Variants in SEPTIN3 observed in about 807,000 individuals in gnomAD.
SEPTIN3 encodes the protein septin 3.
A neutral mutation model predicts 45.1 loss-of-function variants in SEPTIN3; 15 were observed. The observed-to-expected ratio is 0.33, with a 90% CI of 0.22 to 0.51. SEPTIN3 has a LOEUF of 0.51. Ranked by LOEUF, SEPTIN3 falls within the 20% of genes least tolerant of loss-of-function variation. SEPTIN3 has a pLI of 0.97. For synonymous variants in SEPTIN3, 148 were observed against 164.8 expected (o/e 0.90, Z 0.78); for missense variants, 289 against 457.2 (o/e 0.63, Z 3.35).
chr22:41,992,260 T>G (rs1176910185), intron 8 of SEPTIN3, among the ~76,000 whole-genome samples: 2 of 152,028 alleles, frequency 1.3e-5, no homozygotes, highest in African/African-American at 4.8e-5. Context: ...ATGCCTGTAA[T>G]CCCAGCTACT....
rs1229394567 is a variant in SEPTIN3 at position 41,972,250 on chromosome 22, CTG to C, written c.761_762del (p.Val254GlufsTer24). The C allele has an allele frequency of 2.5e-6, 1 of 399,024 alleles. No individual in the cohort carries two copies. The highest frequency in any genetic ancestry group is 4.4e-5 in the Admixed American group (1 of 22,726). 24.7% of individuals were successfully genotyped at this position (399,024 alleles called of 1,614,324 possible). On this transcript the variant is annotated frameshift_variant, in exon 2 of 12. Transcript: ENST00000644076. LOFTEE classifies it high-confidence loss of function. ...GGGCGTCTCCAAAGGGCCAACACGACTGTGAATTTGACTGCTATGGACACAAG... is the reference window on the plus strand; with the variant it reads ...GGGCGTCTCCAAAGGGCCAACACGACTGAATTTGACTGCTATGGACACAAG...
At chr22:41,975,151 C>G (rs965433156) in intron 2 of SEPTIN3, among the ~76,000 whole-genome samples, 1 of 152,128 alleles carries the variant, frequency 6.6e-6, no homozygotes, top group Non-Finnish European at 1.5e-5. Flanking sequence ...GGAAGTCCTA[C>G]ACAGAACTCT....
chr22:41,993,624 G>A (rs556436974), intron 9 of SEPTIN3, among the ~76,000 whole-genome samples: 1 of 152,254 alleles, frequency 6.6e-6, no homozygotes, highest in African/African-American at 2.4e-5. Context: ...CCAAAGTGCT[G>A]GGATTACAGA....
rs1163286096 is a variant in SEPTIN3, at chr22:41,998,148, ACACT to A, written c.*1184_*1187del. 1 of 152,674 alleles carries A rather than the reference ACACT, an allele frequency of 6.5e-6. No homozygotes were observed. The allele number at this position is 152,674 out of a possible 1,614,324, so 9.5% of individuals were successfully genotyped here. A position where few individuals can be genotyped will look rare whatever the true frequency, so the allele number is the denominator to read the frequency against. ...TTCCCAATTGAAAACAAGCAAACAG[ACACT>A]CAAACTGGTCCTGTAATTGTTGCTA... On this transcript the variant is annotated 3_prime_UTR_variant, in exon 12 of 12. Coordinates refer to ENST00000644076, the MANE Select transcript of SEPTIN3 (RefSeq NM_001363845.2).
At chr22:41,977,643 G>A (rs1003985780) in intron 2 of SEPTIN3, among the ~76,000 whole-genome samples, 14 of 151,532 alleles carry the variant, frequency 9.2e-5, no homozygotes, top group Non-Finnish European at 2.9e-5. Flanking sequence ...TTTGTGGGGG[G>A]CGGTGGGGTC....
rs1274486819 is a variant in SEPTIN3, at chr22:41,987,762, A to T, written c.2045+3A>T. 3 of 1,612,258 alleles carry T rather than the reference A, an allele frequency of 1.9e-6. No homozygotes were observed. The highest frequency in any genetic ancestry group is 2.5e-6 in the Non-Finnish European group (3 of 1,178,478). On this transcript the variant is annotated splice_donor_region_variant and intron_variant, in intron 6 of 11. Transcript: ENST00000644076. ...TTCATCTCTCCCACAGGACACTCGT[A>T]TGTACCAACCCTACCCCTATTGTCA...
At position 41,994,223 on chromosome 22, in the gene SEPTIN3, C is replaced by T; in HGVS notation, c.2360-67C>T. ...TGCCTCCGTGACCCAAACAGAAGCT[C>T]ACCTCCTGGGTGTTGCTGTATTAAT... is the stretch of plus-strand genomic sequence containing the variant. On this transcript the variant is annotated intron_variant, in intron 9 of 11. Coordinates refer to ENST00000644076, the MANE Select transcript of SEPTIN3 (RefSeq NM_001363845.2). This position sits in a 1 kb window ranked among gnomAD's most constrained non-coding sequence, Gnocchi z 4.2. The T allele has an allele frequency of 6.7e-7, 1 of 1,500,918 alleles. No individual in the cohort carries two copies. The highest frequency in any genetic ancestry group is 9.2e-7 in the Non-Finnish European group (1 of 1,083,808). The allele number at this position is 1,500,918 out of a possible 1,614,324, so 93.0% of individuals were successfully genotyped here. A position where few individuals can be genotyped will look rare whatever the true frequency, so the allele number is the denominator to read the frequency against.
chr22:41,995,603 T>C, intron 11 of SEPTIN3: 2 of 985,474 alleles, frequency 2.0e-6, no homozygotes, highest in Non-Finnish European at 2.4e-6. Context: ...GGTTCATTCC[T>C]ATATTTAGCA....
At chr22:41,980,109 T>G (rs1423712539) in intron 2 of SEPTIN3, among the ~76,000 whole-genome samples, 1 of 150,716 alleles carries the variant, frequency 6.6e-6, no homozygotes, top group Non-Finnish European at 1.5e-5. Flanking sequence ...GGTCTGGGAC[T>G]GTAAGATATT....
At chr22:41,979,496 G>A (rs1255785481) in intron 2 of SEPTIN3, among the ~76,000 whole-genome samples, 1 of 152,190 alleles carries the variant, frequency 6.6e-6, no homozygotes, top group Non-Finnish European at 1.5e-5. Flanking sequence ...GAGCAGCTGG[G>A]CAGGAAAAAT....
Position 41,976,810 on chromosome 22 carries a change from G to T in SEPTIN3, c.1504+3814G>T, listed in dbSNP as rs989183296. On this transcript the variant is annotated intron_variant, in intron 2 of 11. Transcript: ENST00000644076. The surrounding 1 kb of genome is among the most constrained non-coding windows in gnomAD (Gnocchi z 5.8). ...GCGGGTGGCAGCGGCGGCGGCTGGC[G>T]GCGGCGGCAACGGTGCGCGCGGACA... 4 of 148,672 alleles carry T rather than the reference G, an allele frequency of 2.7e-5. No individual in the cohort carries two copies. In the South Asian group the frequency reaches 7.1e-4, roughly 26 times the overall value. The allele number at this position is 148,672 out of a possible 1,614,324, so 9.2% of individuals were successfully genotyped here.
chr22:41,982,888 T>C (rs1029187896), intron 3 of SEPTIN3, among the ~76,000 whole-genome samples: 5 of 144,326 alleles, frequency 3.5e-5, no homozygotes, highest in African/African-American at 1.3e-4. Context: ...TGAAACTCCA[T>C]CTCAAAAAAA....
In SEPTIN3 at chr22:41,981,797, A is replaced by G; in HGVS notation, c.1657A>G (p.Thr553Ala). Reference sequence around the variant, plus strand: ...CATCATCGAGCAGATGCGCAAGAAGACCATGAAGACCGGTTTCGACTTCAA... The same window carrying G: ...CATCATCGAGCAGATGCGCAAGAAGGCCATGAAGACCGGTTTCGACTTCAA... Reference protein sequence around the residue: ...DTIIEQMRKKTMKTGFDFNIM... With the variant: ...DTIIEQMRKKAMKTGFDFNIM... Residue 553 changes from threonine (T) to alanine (A), a missense_variant, in exon 3 of 12, where the codon ACC becomes GCC. By Grantham distance (58) the Thr-to-Ala change is moderately conservative. Coordinates refer to ENST00000644076, the MANE Select transcript of SEPTIN3 (RefSeq NM_001363845.2). 6.2e-7 allele frequency: 1 copy of G among 1,613,968 alleles called. No homozygotes were observed. The highest frequency in any genetic ancestry group is 8.5e-7 in the Non-Finnish European group (1 of 1,179,948).
intron 4 of SEPTIN3, 127 bp downstream of exon 4, chr22:41,986,239 C>T (rs934570297): frequency 5.2e-6 from 6 of 1,144,706 alleles, no homozygotes; most frequent in Non-Finnish European, 7.3e-6. Context: ...CAGACGTGAG[C>T]ACTTCACTCT....
intron 1 of SEPTIN3, among the ~76,000 whole-genome samples, chr22:41,970,208 A>G (rs2077945186): frequency 6.6e-6 from 1 of 151,988 alleles, no homozygotes; most frequent in Non-Finnish European, 1.5e-5. Flanking sequence ...GCTGTGTTAA[A>G]AGCAACCAAA....
chr22:41,997,272 T>G lies in SEPTIN3; in HGVS notation c.*305T>G. The G allele has an allele frequency of 2.6e-6, 1 of 386,192 alleles. No homozygotes were observed. 23.9% of individuals were successfully genotyped at this position (386,192 alleles called of 1,614,324 possible). A position where few individuals can be genotyped will look rare whatever the true frequency, so the allele number is the denominator to read the frequency against. On this transcript the variant is annotated 3_prime_UTR_variant, in exon 12 of 12. Transcript: ENST00000644076. ...AGCTCCTTCTGCCCTTGTAAGCCCA[T>G]CCCAGCTACTTGTAACCATCTCTAA...
In SEPTIN3 at chr22:41,997,181, C is replaced by A; in HGVS notation, c.*214C>A. On this transcript the variant is annotated 3_prime_UTR_variant, in exon 12 of 12. Transcript: ENST00000644076. ...CCAGTGGAGTGGGGTTCTGCCAGTACAGCCCTACTGCATCATCTGCGTCAG... is the reference window on the plus strand; with the variant it reads ...CCAGTGGAGTGGGGTTCTGCCAGTAAAGCCCTACTGCATCATCTGCGTCAG... 2.3e-6 allele frequency: 2 copies of A among 854,276 alleles called. No homozygotes were observed. Among genetic ancestry groups the A allele is most frequent in the Non-Finnish European group, 3.5e-6 (2 of 570,548 alleles). 52.9% of individuals were successfully genotyped at this position (854,276 alleles called of 1,614,324 possible).
rs73417056 is a variant in SEPTIN3, at chr22:41,989,716, C to T, written c.2163+32C>T. ...AGGCCCCCTGTCTTCTTTTCCTGTTCCCATCCCCTCCTTTCTCTCCGCTGG... is the reference window on the plus strand; with the variant it reads ...AGGCCCCCTGTCTTCTTTTCCTGTTTCCATCCCCTCCTTTCTCTCCGCTGG... On this transcript the variant is annotated intron_variant, in intron 7 of 11. Transcript: ENST00000644076. 14,389 of 1,368,160 alleles carry T rather than the reference C, an allele frequency of 0.011. 752 individuals carry two copies. The African/African-American group carries it at 0.14, about 13-fold the overall frequency. 84.8% of individuals were successfully genotyped at this position (1,368,160 alleles called of 1,614,324 possible). A position where few individuals can be genotyped will look rare whatever the true frequency, so the allele number is the denominator to read the frequency against.
chr22:41,974,662 CAAA>C (rs532915714), intron 2 of SEPTIN3, among the ~76,000 whole-genome samples: 2 of 73,060 alleles, frequency 2.7e-5, no homozygotes, highest in Admixed American at 3.3e-4. Flanking sequence ...GACTCCGTCT[CAAA>C]AAAAAAAAAA....
Sources: gnomAD v4.1 joint callset for allele counts (sites outside exome capture counted in the v4.1 genomes callset) on GRCh38, gnomAD v4.1.1 for gene constraint, Gnocchi (gnomAD v3.1) non-coding constraint, MANE v1.5 for transcripts, NCBI Gene and HGNC (gene_info 2026-07-23, HGNC 2026-07-21) for gene names.